SPATA13: variants seen among roughly 807,000 people sequenced by gnomAD.
SPATA13 encodes the protein spermatogenesis associated 13.
A neutral mutation model predicts 104.0 loss-of-function variants in SPATA13; 50 were observed. The ratio of observed to expected loss-of-function variants is 0.48; its 90% CI spans 0.38 to 0.61. The LOEUF (loss-of-function observed/expected upper bound fraction) is 0.61. Ranked by LOEUF, SPATA13 falls within the 20% of genes least tolerant of loss-of-function variation. SPATA13 has a pLI of 0.00. For missense variants in SPATA13, 1,524 were observed against 1,690.6 expected (o/e 0.90, Z 1.73); for synonymous variants, 606 against 667.5 (o/e 0.91, Z 1.42).
At chr13:24,269,741 ATTTTTTTTTT>A (rs71070673) in intron 4 of SPATA13, among the ~76,000 whole-genome samples, 5 of 75,910 alleles carry the variant, frequency 6.6e-5, no homozygotes, top group African/African-American at 1.2e-4. Context: ...GCTAATATAA[ATTTTTTTTTT>A]TTTTTTTTTT....
At chr13:23,990,674 G>T (rs1014432500) in intron 2 of SPATA13, among the ~76,000 whole-genome samples, 3 of 152,168 alleles carry the variant, frequency 2.0e-5, no homozygotes, top group Admixed American at 6.5e-5. Flanking sequence ...CTACTTCCTT[G>T]TATAAAAGGG....
intron 3 of SPATA13, among the ~76,000 whole-genome samples, chr13:24,045,053 G>A (rs960447261): frequency 2.0e-5 from 3 of 152,090 alleles, no homozygotes; most frequent in African/African-American, 7.2e-5. Flanking sequence ...ATAAAATCCA[G>A]GGCGGCGGAG....
intron 3 of SPATA13, among the ~76,000 whole-genome samples, chr13:24,057,594 G>A (rs577827058): frequency 1.4e-4 from 20 of 146,698 alleles, no homozygotes; most frequent in Admixed American, 3.4e-4. Context: ...CCTTGTTGGG[G>A]CATAAACTCT....
At chr13:24,248,900 G>A (rs1210468130) in intron 2 of SPATA13, among the ~76,000 whole-genome samples, 3 of 139,870 alleles carry the variant, frequency 2.1e-5, no homozygotes, top group Non-Finnish European at 4.7e-5. Flanking sequence ...TTTTTTTTGA[G>A]AAAGAGCCGT....
chr13:24,087,890 T>C (rs1879785570), intron 3 of SPATA13, among the ~76,000 whole-genome samples: 1 of 152,144 alleles, frequency 6.6e-6, no homozygotes, highest in Non-Finnish European at 1.5e-5. Flanking sequence ...ACACTCCTGG[T>C]CCCACCGGTA....
At chr13:24,173,900 A>G (rs1331764490) in intron 1 of SPATA13, among the ~76,000 whole-genome samples, 1 of 152,192 alleles carries the variant, frequency 6.6e-6, no homozygotes, top group East Asian at 1.9e-4. Context: ...TGTTGTATTC[A>G]TGAGTGATAC....
At chr13:24,116,774 C>G (rs1003728022) in intron 3 of SPATA13, among the ~76,000 whole-genome samples, 3 of 151,300 alleles carry the variant, frequency 2.0e-5, no homozygotes, top group Non-Finnish European at 4.4e-5. Context: ...TACCAGCCCC[C>G]CCCCCCCAAT....
In SPATA13 at chr13:24,249,780, A is replaced by G. The variant is rs1227719898; in HGVS notation, c.1957A>G (p.Ile653Val). ...GARRRRPISV[I>V]GGVSLYGTNQ... The stretch of plus-strand genomic sequence containing the variant: ...CCGGAGAAGGCGCCCCATTTCCGTG[A>G]TAGGTGGGGTCAGCTTGTATGGGAC... Residue 653 changes from isoleucine (I) to valine (V), a missense_variant, in exon 3 of 13, where the codon ATA becomes GTA. By Grantham distance (29) the Ile-to-Val change is conservative (BLOSUM62 3). This residue lies in a region of SPATA13 where 1,089 missense variants were observed against 1,135.9 expected (regional missense o/e 0.96). Transcript: ENST00000382108. The G allele has an allele frequency of 6.2e-7, 1 of 1,613,932 alleles. No homozygotes were observed.
At chr13:24,127,645 A>C (rs764028331) in intron 3 of SPATA13, among the ~76,000 whole-genome samples, 9 of 152,376 alleles carry the variant, frequency 5.9e-5, no homozygotes, top group Non-Finnish European at 8.8e-5. Flanking sequence ...TTTCTTGAGA[A>C]CAGGCATTTT....
intron 3 of SPATA13, chr13:24,123,132 T>C: frequency 9.5e-7 from 1 of 1,055,916 alleles, no homozygotes. Context: ...GGTAAGGTCA[T>C]CATTTTCTGT....
intron 4 of SPATA13, among the ~76,000 whole-genome samples, chr13:24,255,018 ACCCATCCTCAG>A: frequency 6.6e-6 from 1 of 151,702 alleles, no homozygotes; most frequent in Middle Eastern, 3.4e-3. Flanking sequence ...CCTTCCCCAA[ACCCATCCTCAG>A]CCCATCTTGT....
intron 2 of SPATA13, among the ~76,000 whole-genome samples, chr13:24,012,133 G>A (rs1221608725): frequency 1.3e-5 from 2 of 152,230 alleles, no homozygotes; most frequent in African/African-American, 2.4e-5. Flanking sequence ...AAGAAGCCAG[G>A]TGTGTAACCA....
intron 3 of SPATA13, among the ~76,000 whole-genome samples, chr13:24,062,499 C>G (rs1593306596): frequency 6.6e-6 from 1 of 152,198 alleles, no homozygotes; most frequent in South Asian, 2.1e-4. Context: ...CGCTCCAGGG[C>G]TCTGTGAACC....
At chr13:24,225,152 C>G (rs542207316) in intron 2 of SPATA13, among the ~76,000 whole-genome samples, 2 of 152,244 alleles carry the variant, frequency 1.3e-5, no homozygotes, top group Non-Finnish European at 2.9e-5. Flanking sequence ...AGGCTGCATT[C>G]GGCTTGCACT....
At chr13:24,221,143 T>C (rs1459910927) in intron 1 of SPATA13, among the ~76,000 whole-genome samples, 2 of 152,200 alleles carry the variant, frequency 1.3e-5, no homozygotes, top group African/African-American at 4.8e-5. Context: ...TTCATTAGTT[T>C]ACTGCAGTGG....
rs78444622 is a variant in SPATA13, at chr13:24,093,532, C to A, written c.-112+75831C>A. 6.7e-3 allele frequency among the ~76,000 whole-genome samples: 1,012 copies of A among 152,166 alleles called. 15 individuals carry two copies. Among genetic ancestry groups the A allele is most frequent in the East Asian group, 0.066 (343 of 5,166 alleles). On this transcript the variant is annotated intron_variant, in intron 3 of 14. Transcript: ENST00000424834. ...AAGTTCAGGCACGTTTCTGATACAC[C>A]CCAAAAACAGCTGGAAAGATCAGGC...
At chr13:24,194,054 C>T (rs1186384512) in intron 1 of SPATA13, among the ~76,000 whole-genome samples, 1 of 152,184 alleles carries the variant, frequency 6.6e-6, no homozygotes, top group Non-Finnish European at 1.5e-5. Context: ...AACTTTGCAT[C>T]CATGGTTCAG....
chr13:24,107,237 CAAAAAAAAA>C (rs11421515), intron 3 of SPATA13, among the ~76,000 whole-genome samples: 1 of 34,266 alleles, frequency 2.9e-5, no homozygotes, highest in Non-Finnish European at 4.6e-5. Flanking sequence ...GAACAAGAGG[CAAAAAAAAA>C]AAAAAAAAAA....
chr13:24,278,560 G>A (rs1004757137), intron 4 of SPATA13: 1 of 1,256,498 alleles, frequency 8.0e-7, no homozygotes, highest in Non-Finnish European at 1.0e-6. Flanking sequence ...TTACAAGCAT[G>A]AGCTACCACG....
Sources: gnomAD v4.1 joint callset for allele counts (sites outside exome capture counted in the v4.1 genomes callset) on GRCh38, gnomAD v4.1.1 for gene constraint, gnomAD v4.1.1 regional missense constraint, MANE v1.5 for transcripts, NCBI Gene and HGNC (gene_info 2026-07-23, HGNC 2026-07-21) for gene names.